EBF3: variants seen among roughly 807,000 people sequenced by gnomAD.
The protein encoded by EBF3 is transcription factor COE3.
A neutral mutation model predicts 77.1 loss-of-function variants in EBF3; 18 were observed. That is an observed-to-expected ratio of 0.23 (90% CI 0.16 to 0.35). The LOEUF (loss-of-function observed/expected upper bound fraction) is 0.35. Ranked by LOEUF, EBF3 falls within the 10% of genes least tolerant of loss-of-function variation. EBF3 has a pLI of 1.00. For missense variants in EBF3, 558 were observed against 860.0 expected (o/e 0.65, Z 4.39); for synonymous variants, 350 against 343.5 (o/e 1.02, Z -0.21).
At chr10:129,867,650 C>T in intron 9 of EBF3, 132 bp downstream of exon 9, 1 of 1,449,058 alleles carries the variant, frequency 6.9e-7, no homozygotes, top group Middle Eastern at 2.0e-4. Context: ...GCTGCTGCCA[C>T]AGGCGAACAG....
Position 129,842,039 on chromosome 10 carries a change from C to T in EBF3, c.1372+77G>A, listed in dbSNP as rs1590037851. 13 of 1,583,912 alleles carry T rather than the reference C, an allele frequency of 8.2e-6. No homozygotes were observed. Among genetic ancestry groups the T allele is most frequent in the East Asian group, 6.7e-5 (3 of 44,666 alleles). On this transcript the variant is annotated intron_variant, in intron 13 of 16. Transcript: ENST00000440978. This position sits in a 1 kb window ranked among gnomAD's most constrained non-coding sequence, Gnocchi z 4.4. ...GACATTCCCCAGCTGGCCCTGGACA[C>T]GTGCCTCTTCAGCTAAGGCCTCAAC...
intron 6 of EBF3, among the ~76,000 whole-genome samples, chr10:129,915,019 G>A (rs1367444183): frequency 6.6e-6 from 1 of 152,218 alleles, no homozygotes; most frequent in Non-Finnish European, 1.5e-5. Flanking sequence ...AGACACAAAT[G>A]TGCTTGGCAA....
At chr10:129,906,091 C>G (rs970860196) in intron 6 of EBF3, among the ~76,000 whole-genome samples, 1 of 152,192 alleles carries the variant, frequency 6.6e-6, no homozygotes, top group African/African-American at 2.4e-5. Flanking sequence ...ATAATTTACA[C>G]TGTATTAACT....
chr10:129,863,573 G>A lies in EBF3; in HGVS notation c.1039+3568C>T, dbSNP rs542155020. On this transcript the variant is annotated intron_variant, in intron 10 of 16. Coordinates refer to ENST00000440978, the MANE Select transcript of EBF3 (RefSeq NM_001375380.1). This position sits in a 1 kb window ranked among gnomAD's most constrained non-coding sequence, Gnocchi z 4.0. ...GCCTGGCGGCCCCAGCCGGCCTCAC[G>A]TGGGGAAGGTTAAATGTGAGGGTGT... Among the ~76,000 whole-genome samples the A allele has an allele frequency of 4.6e-5, 7 of 152,366 alleles. No individual in the cohort carries two copies. In the East Asian group the frequency reaches 7.7e-4, roughly 17 times the overall value.
chr10:129,842,349 C>A lies in EBF3; in HGVS notation c.1195-56G>T. On this transcript the variant is annotated intron_variant, in intron 12 of 16. Transcript: ENST00000440978. The surrounding 1 kb of genome is among the most constrained non-coding windows in gnomAD (Gnocchi z 4.4). The stretch of plus-strand genomic sequence containing the variant: ...TCACCCCAGGCCCGGCCCAGCTGGC[C>A]GCACTCTCGGGGGCCCACCATGGTG... 6.5e-7 allele frequency: 1 copy of A among 1,527,508 alleles called. No homozygotes were observed. Among genetic ancestry groups the A allele is most frequent in the Non-Finnish European group, 8.8e-7 (1 of 1,139,620 alleles). The allele number at this position is 1,527,508 out of a possible 1,614,324, so 94.6% of individuals were successfully genotyped here.
In EBF3 at chr10:129,841,946, G is replaced by A. The variant is rs1850091415; in HGVS notation, c.1372+170C>T. ...GAGTGTTCTTACCCCAGCACTGGCTGGGAGGACCTGCAGCAAGGTCTTCCT... is the reference window on the plus strand; with the variant it reads ...GAGTGTTCTTACCCCAGCACTGGCTAGGAGGACCTGCAGCAAGGTCTTCCT... On this transcript the variant is annotated intron_variant, in intron 13 of 16. Transcript: ENST00000440978. This position sits in a 1 kb window ranked among gnomAD's most constrained non-coding sequence, Gnocchi z 4.6. Among the ~76,000 whole-genome samples the A allele has an allele frequency of 2.6e-5, 4 of 152,192 alleles. No homozygotes were observed. The highest frequency in any genetic ancestry group is 2.6e-4 in the Admixed American group (4 of 15,276).
chr10:129,960,685 C>T (rs1171880018), intron 4 of EBF3, among the ~76,000 whole-genome samples: 3 of 142,466 alleles, frequency 2.1e-5, no homozygotes, highest in Non-Finnish European at 4.5e-5. Flanking sequence ...GATTAAATGC[C>T]TTTATTTTCA....
At chr10:129,900,628 A>T (rs935793064) in intron 6 of EBF3, among the ~76,000 whole-genome samples, 1 of 152,258 alleles carries the variant, frequency 6.6e-6, no homozygotes, top group African/African-American at 2.4e-5. Context: ...ACTTTGAGGA[A>T]ATTTAACTTG....
At position 129,963,663 on chromosome 10, in the gene EBF3, C is replaced by G. The variant is rs1442254796; in HGVS notation, c.106G>C (p.Val36Leu). ...TGGGCGGCCGTGTTGGCGTCCACCA[C>G]GCCCGCCGTGTGCATCCACGAGCGC... The part of the protein sequence containing the change: ...PVRSWMHTAG[V>L]VDANTAAQSG... Residue 36 changes from valine to leucine, a missense_variant, in exon 1 of 17, where the codon GTG becomes CTG. Val to Leu is a conservative substitution (Grantham distance 32). Around this residue, in one of 5 missense-constraint regions of EBF3, gnomAD observed 64 missense variants for 54.5 expected, o/e 1.18. Transcript: ENST00000440978. The surrounding 1 kb of genome is among the most constrained non-coding windows in gnomAD (Gnocchi z 7.1). 6.7e-7 allele frequency: 1 copy of G among 1,503,492 alleles called. No homozygotes were observed. The allele number at this position is 1,503,492 out of a possible 1,614,324, so 93.1% of individuals were successfully genotyped here. A position where few individuals can be genotyped will look rare whatever the true frequency, so the allele number is the denominator to read the frequency against.
At position 129,848,590 on chromosome 10, in the gene EBF3, C is replaced by T; in HGVS notation, c.1040-110G>A. On this transcript the variant is annotated intron_variant, in intron 10 of 16. Transcript: ENST00000440978. The surrounding 1 kb of genome is among the most constrained non-coding windows in gnomAD (Gnocchi z 4.4). ...TGTAGTTCTCCTGCTCTGATGCTCT[C>T]TAAGGCAAGCACCCCTGAATACTAG... 1 of 1,144,914 alleles carries T rather than the reference C, an allele frequency of 8.7e-7. No homozygotes were observed. Among genetic ancestry groups the T allele is most frequent in the Non-Finnish European group, 1.3e-6 (1 of 758,578 alleles). 70.9% of individuals were successfully genotyped at this position (1,144,914 alleles called of 1,614,324 possible). A position where few individuals can be genotyped will look rare whatever the true frequency, so the allele number is the denominator to read the frequency against.
At chr10:129,957,084 G>A (rs1414059888) in intron 6 of EBF3, among the ~76,000 whole-genome samples, 174 bp downstream of exon 6, 2 of 152,152 alleles carry the variant, frequency 1.3e-5, no homozygotes, top group Non-Finnish European at 2.9e-5. Context: ...CGAGCCACCA[G>A]GTTTCCAAGT....
At position 129,877,780 on chromosome 10, in the gene EBF3, C is replaced by T; in HGVS notation, c.624G>A (p.Met208Ile). The T allele has an allele frequency of 3.1e-6, 5 of 1,613,646 alleles. No individual in the cohort carries two copies. The highest frequency in any genetic ancestry group is 4.2e-6 in the Non-Finnish European group (5 of 1,179,884). The change falls in exon 7 of 17, where the codon ATG (methionine) becomes ATA (isoleucine). Residue 208 changes from methionine to isoleucine, a missense_variant. Transcript: ENST00000440978. ...GAGAAATGTATACCTGGAATCTCCGCATATCTCGAGGGTTGCCTGCATTCT... is the reference window on the plus strand; with the variant it reads ...GAGAAATGTATACCTGGAATCTCCGTATATCTCGAGGGTTGCCTGCATTCT... ...CLKNAGNPRD[M>I]RRFQVVVSTT...
At chr10:129,955,380 TTA>T (rs1858962440) in intron 6 of EBF3, among the ~76,000 whole-genome samples, 1 of 152,202 alleles carries the variant, frequency 6.6e-6, no homozygotes, top group African/African-American at 2.4e-5. Context: ...TCAATCCTCC[TTA>T]TTCAAATAAA....
intron 6 of EBF3, among the ~76,000 whole-genome samples, chr10:129,956,445 C>T (rs1227719616): frequency 6.6e-6 from 1 of 152,090 alleles, no homozygotes; most frequent in Non-Finnish European, 1.5e-5. Context: ...GAAAGAAATC[C>T]TCCTCTCCTG....
chr10:129,877,668 A>C, intron 7 of EBF3, 100 bp downstream of exon 7: 2 of 1,006,440 alleles, frequency 2.0e-6, no homozygotes, highest in African/African-American at 3.3e-5. Flanking sequence ...CAAGCCCTTA[A>C]AGAACTCAAG....
chr10:129,904,118 C>T (rs1219729167), intron 6 of EBF3, among the ~76,000 whole-genome samples: 1 of 152,194 alleles, frequency 6.6e-6, no homozygotes, highest in African/African-American at 2.4e-5. Flanking sequence ...AATTCATGCC[C>T]TTCCACCTAG....
chr10:129,901,768 G>A (rs950316373), intron 6 of EBF3, among the ~76,000 whole-genome samples: 23 of 152,178 alleles, frequency 1.5e-4, no homozygotes, highest in Non-Finnish European at 2.8e-4. Flanking sequence ...GCACAGCGGC[G>A]CCCTCGGTAC....
chr10:129,863,169 GA>G lies in EBF3; in HGVS notation c.1039+3971del, dbSNP rs1427671661. ...TTCTGCTCCTAAGTGCTAGCCGCTT[GA>G]AAATTGTTCTCTCTCTCTAATTTCT... On this transcript the variant is annotated intron_variant, in intron 10 of 16. Transcript: ENST00000440978. This position sits in a 1 kb window ranked among gnomAD's most constrained non-coding sequence, Gnocchi z 4.0. Among the ~76,000 whole-genome samples, 1 of 152,216 alleles carries G rather than the reference GA, an allele frequency of 6.6e-6. No homozygotes were observed. Among genetic ancestry groups the G allele is most frequent in the Non-Finnish European group, 1.5e-5 (1 of 68,034 alleles).
At chr10:129,924,266 T>C (rs1486563853) in intron 6 of EBF3, among the ~76,000 whole-genome samples, 1 of 151,822 alleles carries the variant, frequency 6.6e-6, no homozygotes, top group African/African-American at 2.4e-5. Flanking sequence ...AATACAAACA[T>C]TAGCCAGGCG....
Sources: allele counts gnomAD v4.1 joint callset (sites outside exome capture counted in the v4.1 genomes callset), GRCh38; gene constraint gnomAD v4.1.1; regional missense constraint gnomAD v4.1.1; non-coding constraint Gnocchi (gnomAD v3.1); transcripts MANE v1.5; gene names NCBI Gene and HGNC (gene_info 2026-07-23, HGNC 2026-07-21).